Variants in BLTP2 observed in about 807,000 individuals in gnomAD.
BLTP2 encodes bridge-like lipid transfer protein family member 2, also known as U937-associated antigen.
chr17:28,641,853 C>A, the BLTP2 span: 1 of 1,567,058 alleles, frequency 6.4e-7, no homozygotes, highest in South Asian at 1.1e-5. Context: ...ACCCTGAGAA[C>A]AAGGCAGCCA....
chr17:28,618,906 A>C, the BLTP2 span: 1 of 1,614,138 alleles, frequency 6.2e-7, no homozygotes, highest in Non-Finnish European at 8.5e-7. Context: ...GACCACACTC[A>C]CATCTTCTTG....
At chr17:28,624,005 C>T in the BLTP2 span, 20 of 1,589,576 alleles carry the variant, frequency 1.3e-5, no homozygotes, top group South Asian at 4.5e-5. Context: ...CTACCAAGGA[C>T]GATGAGGTTA....
the BLTP2 span, chr17:28,635,100 AG>A: frequency 6.2e-7 from 1 of 1,612,822 alleles, no homozygotes; most frequent in African/African-American, 1.3e-5. Context: ...CATACTGATA[AG>A]GAAACTCCAC....
chr17:28,621,723 T>C, the BLTP2 span, among the ~76,000 whole-genome samples: 5 of 152,140 alleles, frequency 3.3e-5, no homozygotes, highest in Non-Finnish European at 7.3e-5. Flanking sequence ...ATGCACACTT[T>C]GCCAGGCCCA....
At chr17:28,621,592 CACTT>C in the BLTP2 span, 2 of 858,370 alleles carry the variant, frequency 2.3e-6, no homozygotes, top group Non-Finnish European at 3.9e-6. Context: ...CAAGTAGTTA[CACTT>C]ACTATCTGGA....
chr17:28,620,423 G>A, the BLTP2 span: 3 of 1,491,744 alleles, frequency 2.0e-6, no homozygotes, highest in South Asian at 1.2e-5. Flanking sequence ...TGTGAAGCAT[G>A]GCTTTTGTTA....
the BLTP2 span, chr17:28,621,348 G>T: frequency 6.6e-7 from 1 of 1,509,444 alleles, no homozygotes; most frequent in Non-Finnish European, 9.2e-7. Flanking sequence ...GGTCCCTTTG[G>T]GATGCACATC....
the BLTP2 span, among the ~76,000 whole-genome samples, chr17:28,622,080 A>T: frequency 2.6e-5 from 4 of 152,078 alleles, no homozygotes; most frequent in Non-Finnish European, 4.4e-5. Flanking sequence ...TAATGCTAGT[A>T]TCGCAGCCTG....
At chr17:28,640,028 G>C in the BLTP2 span, 2 of 1,613,008 alleles carry the variant, frequency 1.2e-6, no homozygotes, top group Non-Finnish European at 1.7e-6. Context: ...TCAGGTGCCT[G>C]GACCGAGACA....
chr17:28,640,557 C>T, the BLTP2 span: 1 of 1,614,004 alleles, frequency 6.2e-7, no homozygotes, highest in African/African-American at 1.3e-5. Context: ...GGAGAGACCT[C>T]ACCTCTTTTG....
At chr17:28,641,902 A>T in the BLTP2 span, 2 of 1,609,556 alleles carry the variant, frequency 1.2e-6, no homozygotes, top group Non-Finnish European at 1.7e-6. Flanking sequence ...AACAGGGAAC[A>T]GGCTTAGATG....
At chr17:28,640,164 G>T in the BLTP2 span, 1 of 887,358 alleles carries the variant, frequency 1.1e-6, no homozygotes. Flanking sequence ...GGAGGCCGAG[G>T]CAGGGGGATC....
chr17:28,634,294 A>G, the BLTP2 span, among the ~76,000 whole-genome samples: 1 of 152,166 alleles, frequency 6.6e-6, no homozygotes, highest in African/African-American at 2.4e-5. Flanking sequence ...CAAGAGACAC[A>G]ATAACCTTAA....
chr17:28,637,270 C>T, the BLTP2 span: 1 of 886,072 alleles, frequency 1.1e-6, no homozygotes, highest in Non-Finnish European at 1.8e-6. Flanking sequence ...TATCTTTATT[C>T]CTCATGCCTC....
At chr17:28,620,662 T>C in the BLTP2 span, 4 of 1,609,926 alleles carry the variant, frequency 2.5e-6, no homozygotes, top group Non-Finnish European at 3.4e-6. Context: ...AATAAAAGGC[T>C]CAAGTTTCTA....
chr17:28,632,195 A>G, the BLTP2 span: 1 of 1,613,848 alleles, frequency 6.2e-7, no homozygotes, highest in African/African-American at 1.3e-5. Flanking sequence ...TTTTGCATCC[A>G]GCGCAGGGTA....
the BLTP2 span, chr17:28,642,199 G>A: frequency 6.3e-7 from 1 of 1,581,986 alleles, no homozygotes; most frequent in Non-Finnish European, 8.7e-7. Context: ...AAAGAACCTA[G>A]GATGTAAGCC....
At chr17:28,618,743 A>G in the BLTP2 span, 2 of 1,499,372 alleles carry the variant, frequency 1.3e-6, no homozygotes, top group Non-Finnish European at 1.8e-6. Flanking sequence ...AAGCTAGGTC[A>G]ATGTCTCTCA....
At chr17:28,615,601 C>T in the BLTP2 span, 4 of 1,578,520 alleles carry the variant, frequency 2.5e-6, no homozygotes, top group Non-Finnish European at 3.4e-6. Context: ...ATGAAAGGCT[C>T]CTGAAAAGAG....
Sources: gnomAD v4.1 joint callset for allele counts (sites outside exome capture counted in the v4.1 genomes callset) on GRCh38, gnomAD v4.1.1 for gene constraint, MANE v1.5 for transcripts, NCBI Gene and HGNC (gene_info 2026-07-23, HGNC 2026-07-21) for gene names.